Variants in PIK3R6 observed in about 807,000 individuals in gnomAD.
The protein encoded by PIK3R6 is phosphoinositide-3-kinase regulatory subunit 6.
PIK3R6 carries 91 observed loss-of-function variants against 84.9 expected under a neutral mutation model. That is an observed-to-expected ratio of 1.07 (90% CI 0.90 to 1.28). The LOEUF is 1.28. PIK3R6 is among the 50% of genes most tolerant of loss of function. PIK3R6 has a pLI of 0.00. For missense variants in PIK3R6, 996 were observed against 985.1 expected, an observed-to-expected ratio of 1.01 and a Z score of -0.15; for synonymous variants, 416 against 411.4, an observed-to-expected ratio of 1.01 and a Z score of -0.13.
chr17:8,825,070 T>C (rs2087873314), intron 13 of PIK3R6, among the ~76,000 whole-genome samples: 3 of 152,320 alleles, frequency 2.0e-5, no homozygotes, highest in South Asian at 2.1e-4. Flanking sequence ...CCAAATATAA[T>C]GGCATAAAGA....
chr17:8,849,876 A>G lies in PIK3R6; in HGVS notation c.-82T>C. 15 of 1,553,834 alleles carry G rather than the reference A, an allele frequency of 9.7e-6. No homozygotes were observed. Among genetic ancestry groups the G allele is most frequent in the Non-Finnish European group, 1.2e-5 (14 of 1,144,688 alleles). On this transcript the variant is annotated 5_prime_UTR_variant, in exon 2 of 20. Transcript: ENST00000619866. ...GAACAAGGTGGTTGCTTTTCTGCAC[A>G]GAGGTGGTTCTGCAAAATAAGAGGT...
At chr17:8,829,048 G>A in intron 10 of PIK3R6, 58 bp from the exon 11 acceptor site, 1 of 1,440,280 alleles carries the variant, frequency 6.9e-7, no homozygotes, top group Admixed American at 2.7e-5. Flanking sequence ...CTACGTTTCT[G>A]ATTTCAGCCA....
Position 8,849,877 on chromosome 17 carries a change from G to T in PIK3R6, c.-83C>A. ...AACAAGGTGGTTGCTTTTCTGCACA[G>T]AGGTGGTTCTGCAAAATAAGAGGTA... On this transcript the variant is annotated 5_prime_UTR_variant, in exon 2 of 20. In the 5' UTR this introduces an upstream ATG that the reference lacks. Coordinates refer to ENST00000619866, the MANE Select transcript of PIK3R6 (RefSeq NM_001010855.4). 6.5e-7 allele frequency: 1 copy of T among 1,545,622 alleles called. No individual in the cohort carries two copies. Among genetic ancestry groups the T allele is most frequent in the Non-Finnish European group, 8.8e-7 (1 of 1,139,596 alleles).
intron 1 of PIK3R6, among the ~76,000 whole-genome samples, chr17:8,860,284 T>G (rs1010096791): frequency 6.8e-6 from 1 of 146,402 alleles, no homozygotes; most frequent in African/African-American, 2.7e-5. Context: ...CTCCGCCTCC[T>G]GGGGCGGGGG....
chr17:8,840,703 A>G (rs2088650040), intron 2 of PIK3R6, among the ~76,000 whole-genome samples: 1 of 149,048 alleles, frequency 6.7e-6, no homozygotes, highest in South Asian at 2.1e-4. Context: ...AAAAACTATT[A>G]GGTTTGTGCA....
In PIK3R6 at chr17:8,803,457, T is replaced by A. The variant is rs1356530794; in HGVS notation, c.2109-28A>T. ...GTGGGTGGAGAGAGACCAGCTCAGGTGACCCATCTGAGGGATCAGATTGCC... is the reference window on the plus strand; with the variant it reads ...GTGGGTGGAGAGAGACCAGCTCAGGAGACCCATCTGAGGGATCAGATTGCC... On this transcript the variant is annotated intron_variant, in intron 19 of 19. Transcript: ENST00000619866. The surrounding 1 kb of genome is among the most constrained non-coding windows in gnomAD (Gnocchi z 5.0). 1 of 1,574,690 alleles carries A rather than the reference T, an allele frequency of 6.4e-7. No individual in the cohort carries two copies. The highest frequency in any genetic ancestry group is 1.4e-5 in the African/African-American group (1 of 73,874).
rs1307794147 is a variant in PIK3R6 at position 8,803,928 on chromosome 17, A to G, written c.2108+113T>C. 2.2e-6 allele frequency: 2 copies of G among 906,176 alleles called. No individual in the cohort carries two copies. The highest frequency in any genetic ancestry group is 3.3e-5 in the African/African-American group (2 of 60,634). The allele number at this position is 906,176 out of a possible 1,614,324, so 56.1% of individuals were successfully genotyped here. A position where few individuals can be genotyped will look rare whatever the true frequency, so the allele number is the denominator to read the frequency against. ...CCAAGGTTACCTGCCTGGCCACAGG[A>G]TCTACCTCCGATGAGGTGCCTTGAG... On this transcript the variant is annotated intron_variant, in intron 19 of 19. Coordinates refer to ENST00000619866, the MANE Select transcript of PIK3R6 (RefSeq NM_001010855.4). This position sits in a 1 kb window ranked among gnomAD's most constrained non-coding sequence, Gnocchi z 5.0.
chr17:8,842,776 C>T lies in PIK3R6; in HGVS notation c.14-3079G>A, dbSNP rs2088719064. ...TCAAAAATTAGCTCATCTCATGTGACAGGGATCTCTCTTCTTGGCTCCTTT... is the reference window on the plus strand; with the variant it reads ...TCAAAAATTAGCTCATCTCATGTGATAGGGATCTCTCTTCTTGGCTCCTTT... On this transcript the variant is annotated intron_variant, in intron 2 of 19. Transcript: ENST00000619866. This position sits in a 1 kb window ranked among gnomAD's most constrained non-coding sequence, Gnocchi z 4.5. Among the ~76,000 whole-genome samples the T allele has an allele frequency of 6.6e-6, 1 of 152,206 alleles. No individual in the cohort carries two copies. Among genetic ancestry groups the T allele is most frequent in the African/African-American group, 2.4e-5 (1 of 41,448 alleles).
chr17:8,847,511 C>A (rs2088840053), intron 2 of PIK3R6, among the ~76,000 whole-genome samples: 1 of 152,120 alleles, frequency 6.6e-6, no homozygotes. Flanking sequence ...GTGTTAAAAA[C>A]AATCACAGGC....
intron 10 of PIK3R6, among the ~76,000 whole-genome samples, 187 bp downstream of exon 10, chr17:8,829,519 C>G (rs527366985): frequency 1.0e-5 from 1 of 95,612 alleles, no homozygotes; most frequent in Non-Finnish European, 2.1e-5. Flanking sequence ...CTCATGCATA[C>G]ACACACACTG....
chr17:8,860,426 T>TCCATCC (rs1304666543), intron 1 of PIK3R6, among the ~76,000 whole-genome samples: 5 of 151,928 alleles, frequency 3.3e-5, no homozygotes, highest in African/African-American at 7.2e-5. Context: ...TCATCCCGAA[T>TCCATCC]CCATCCCCAT....
intron 1 of PIK3R6, among the ~76,000 whole-genome samples, chr17:8,863,256 C>A (rs1169256459): frequency 6.6e-6 from 1 of 151,756 alleles, no homozygotes; most frequent in Non-Finnish European, 1.5e-5. Flanking sequence ...ATTATAATTG[C>A]ATATATTTAT....
chr17:8,829,188 G>A (rs539137450), intron 10 of PIK3R6, among the ~76,000 whole-genome samples, 198 bp from the exon 11 acceptor site: 2 of 119,466 alleles, frequency 1.7e-5, no homozygotes, highest in East Asian at 3.0e-4. Flanking sequence ...GACACAGACA[G>A]ACATACACAC....
intron 9 of PIK3R6, among the ~76,000 whole-genome samples, chr17:8,830,229 A>G (rs765705421): frequency 5.3e-5 from 8 of 152,282 alleles, no homozygotes; most frequent in South Asian, 2.1e-4. Flanking sequence ...GTAGACACTC[A>G]GTTAACATTT....
Position 8,803,671 on chromosome 17 carries a change from C to T in PIK3R6, c.2109-242G>A, listed in dbSNP as rs753663225. On this transcript the variant is annotated intron_variant, in intron 19 of 19. Coordinates refer to ENST00000619866, the MANE Select transcript of PIK3R6 (RefSeq NM_001010855.4). The surrounding 1 kb of genome is among the most constrained non-coding windows in gnomAD (Gnocchi z 5.0). ...CGCATGCCTCCCTTACCCAAACACA[C>T]CTCCCGAGGGGAAGCCAGTAAGGGT... 1 of 550,916 alleles carries T rather than the reference C, an allele frequency of 1.8e-6. No homozygotes were observed. Among genetic ancestry groups the T allele is most frequent in the Non-Finnish European group, 3.2e-6 (1 of 312,132 alleles). 34.1% of individuals were successfully genotyped at this position (550,916 alleles called of 1,614,324 possible). A position where few individuals can be genotyped will look rare whatever the true frequency, so the allele number is the denominator to read the frequency against.
At chr17:8,835,527 C>A in intron 7 of PIK3R6, 71 bp from the exon 8 acceptor site, 1 of 1,333,728 alleles carries the variant, frequency 7.5e-7, no homozygotes, top group Non-Finnish European at 1.0e-6. Context: ...CGGATGGGCA[C>A]CCTCAGAGCT....
intron 9 of PIK3R6, 131 bp downstream of exon 9, chr17:8,832,758 C>T: frequency 7.1e-7 from 1 of 1,402,184 alleles, no homozygotes. Flanking sequence ...GCCCCCAGTC[C>T]CCAGGCTCCT....
chr17:8,804,938 G>A (rs1451289633), intron 18 of PIK3R6, among the ~76,000 whole-genome samples: 1 of 152,214 alleles, frequency 6.6e-6, no homozygotes, highest in East Asian at 1.9e-4. Context: ...ATAGAATTGA[G>A]CCCAGGTACG....
At chr17:8,823,161 A>G in intron 14 of PIK3R6, 75 bp from the exon 15 acceptor site, 1 of 1,177,602 alleles carries the variant, frequency 8.5e-7, no homozygotes, top group Non-Finnish European at 1.3e-6. Flanking sequence ...CCAGGGATCC[A>G]GGGCCATGGA....
Sources: gnomAD v4.1 joint callset for allele counts (sites outside exome capture counted in the v4.1 genomes callset) on GRCh38, gnomAD v4.1.1 for gene constraint, Gnocchi (gnomAD v3.1) non-coding constraint, MANE v1.5 for transcripts, NCBI Gene and HGNC (gene_info 2026-07-23, HGNC 2026-07-21) for gene names.